GLIS3: variants seen among roughly 807,000 people sequenced by gnomAD.
GLIS3 encodes the protein zinc finger protein GLIS3.
Under a neutral mutation model 78.6 loss-of-function variants are expected in GLIS3, and 53 were observed. The observed-to-expected ratio is 0.67, with a 90% CI of 0.54 to 0.85. GLIS3 has a LOEUF of 0.85. GLIS3 is among the 40% of genes least tolerant of loss of function. The probability of loss-of-function intolerance (pLI) is 0.00; values close to 1 mark genes in which losing one functional copy is unlikely to be tolerated. For missense variants in GLIS3, 1,703 were observed against 1,231.1 expected, an observed-to-expected ratio of 1.38 and a Z score of -5.74; for synonymous variants, 684 against 509.9, an observed-to-expected ratio of 1.34 and a Z score of -4.60.
At chr9:4,207,374 C>A (rs1438606573) in intron 2 of GLIS3, among the ~76,000 whole-genome samples, 1 of 152,142 alleles carries the variant, frequency 6.6e-6, no homozygotes, top group East Asian at 1.9e-4. Context: ...GGCAAATAAT[C>A]GCTGGTGATT....
At position 4,340,304 on chromosome 9, in the gene GLIS3, A is replaced by C. The variant is rs539073625; in HGVS notation, n.264+6777T>G. Among the ~76,000 whole-genome samples, 554 of 151,348 alleles carry C rather than the reference A, an allele frequency of 3.7e-3. 2 individuals carry two copies. The highest frequency in any genetic ancestry group is 0.013 in the African/African-American group (533 of 41,160). On this transcript the variant is annotated intron_variant and non_coding_transcript_variant, in intron 2 of 4. Transcript: ENST00000471664. Reference sequence around the variant, plus strand: ...TACAAATCAAATGAGAAAAAAAAAAAAAAGTATGTCATTTTCCTTTATTTG... The same window carrying C: ...TACAAATCAAATGAGAAAAAAAAAACAAAGTATGTCATTTTCCTTTATTTG...
intron 4 of GLIS3, among the ~76,000 whole-genome samples, chr9:4,076,376 C>G (rs1268057852): frequency 6.6e-6 from 1 of 152,188 alleles, no homozygotes; most frequent in African/African-American, 2.4e-5. Flanking sequence ...TCCTATTATA[C>G]TATGCATTCA....
chr9:3,856,595 C>A (rs772517762), intron 8 of GLIS3, among the ~76,000 whole-genome samples: 4 of 152,196 alleles, frequency 2.6e-5, no homozygotes, highest in African/African-American at 4.8e-5. Context: ...ACTTAGCTCA[C>A]AAACATTTTG....
the GLIS3 span, among the ~76,000 whole-genome samples, chr9:4,442,300 C>T: frequency 6.6e-6 from 1 of 152,080 alleles, no homozygotes. Flanking sequence ...TGTCATGTCT[C>T]CTTTTTCATT....
At chr9:4,116,848 C>T (rs1289990309) in intron 4 of GLIS3, among the ~76,000 whole-genome samples, 2 of 152,136 alleles carry the variant, frequency 1.3e-5, no homozygotes, top group African/African-American at 4.8e-5. Flanking sequence ...TAATATAAAA[C>T]ACATGTTCTT....
the GLIS3 span, among the ~76,000 whole-genome samples, chr9:4,376,996 C>T: frequency 1.5e-5 from 2 of 135,782 alleles, no homozygotes; most frequent in African/African-American, 5.2e-5. Flanking sequence ...AGCCCCACCA[C>T]TTACTAGCCC....
chr9:4,314,163 T>C (rs942394174), intron 2 of GLIS3, among the ~76,000 whole-genome samples: 1 of 152,208 alleles, frequency 6.6e-6, no homozygotes, highest in Non-Finnish European at 1.5e-5. Flanking sequence ...AGGATGGTCA[T>C]GAGGATTAAG....
intron 7 of GLIS3, among the ~76,000 whole-genome samples, chr9:3,884,164 A>C (rs1821917516): frequency 6.6e-6 from 1 of 152,234 alleles, no homozygotes; most frequent in South Asian, 2.1e-4. Flanking sequence ...TGTCCAAATG[A>C]AAACCATTAA....
intron 4 of GLIS3, among the ~76,000 whole-genome samples, chr9:4,067,620 G>A (rs1827209936): frequency 6.6e-6 from 1 of 152,110 alleles, no homozygotes; most frequent in Non-Finnish European, 1.5e-5. Flanking sequence ...GATTCAAGCG[G>A]CCACTTTATG....
chr9:3,981,108 T>C (rs1819243260), intron 4 of GLIS3, among the ~76,000 whole-genome samples: 1 of 152,206 alleles, frequency 6.6e-6, no homozygotes, highest in Non-Finnish European at 1.5e-5. Context: ...TCTCCTCCGC[T>C]ACCTCTTGGA....
chr9:4,339,036 G>C (rs184214991), intron 2 of GLIS3, among the ~76,000 whole-genome samples: 1 of 152,320 alleles, frequency 6.6e-6, no homozygotes, highest in East Asian at 1.9e-4. Flanking sequence ...GACCCTCCTG[G>C]TGAGTTCATG....
intron 2 of GLIS3, among the ~76,000 whole-genome samples, chr9:4,148,075 T>C (rs142633159): frequency 1.3e-4 from 20 of 152,344 alleles, no homozygotes; most frequent in African/African-American, 3.8e-4. Context: ...TCCTTTTTTT[T>C]CTTTTGCATA....
At chr9:3,920,218 T>C (rs1824792205) in intron 6 of GLIS3, among the ~76,000 whole-genome samples, 1 of 152,116 alleles carries the variant, frequency 6.6e-6, no homozygotes, top group African/African-American at 2.4e-5. Context: ...TTAGCCAGGA[T>C]GGTCTCAATC....
chr9:3,842,834 C>A (rs958111184), intron 9 of GLIS3, among the ~76,000 whole-genome samples: 1 of 152,196 alleles, frequency 6.6e-6, no homozygotes, highest in Non-Finnish European at 1.5e-5. Flanking sequence ...TTTAAAACAA[C>A]AACAGAACGG....
In GLIS3 at chr9:4,125,956, A is replaced by T; in HGVS notation, c.389-15T>A. The T allele has an allele frequency of 6.2e-7, 1 of 1,603,630 alleles. No homozygotes were observed. Among genetic ancestry groups the T allele is most frequent in the Non-Finnish European group, 8.5e-7 (1 of 1,170,652 alleles). Reference sequence around the variant, plus strand: ...GCCAAGAGCCCCTAAAAACAAATGAATCAGGTTAGCTTTCATGTCCCTTAC... The same window carrying T: ...GCCAAGAGCCCCTAAAAACAAATGATTCAGGTTAGCTTTCATGTCCCTTAC... On this transcript the variant is annotated splice_polypyrimidine_tract_variant and intron_variant, in intron 2 of 10. Coordinates refer to ENST00000381971, the MANE Select transcript of GLIS3 (RefSeq NM_001042413.2).
chr9:4,351,051 C>G (rs1327387634), upstream of GLIS3, among the ~76,000 whole-genome samples: 1 of 152,106 alleles, frequency 6.6e-6, no homozygotes, highest in Non-Finnish European at 1.5e-5. Context: ...GGGCCCTGGG[C>G]TTCACTTCTC....
chr9:4,311,794 C>A (rs1340044616), intron 2 of GLIS3, among the ~76,000 whole-genome samples: 5 of 152,188 alleles, frequency 3.3e-5, no homozygotes, highest in African/African-American at 1.2e-4. Flanking sequence ...CTGACAGGAG[C>A]AGGGAAAGTG....
chr9:4,471,977 A>T, the GLIS3 span, among the ~76,000 whole-genome samples: 1 of 152,368 alleles, frequency 6.6e-6, no homozygotes, highest in South Asian at 2.1e-4. Flanking sequence ...AAAAGAAGAC[A>T]TTTATGCAGC....
chr9:3,964,361 A>C (rs182855535), intron 4 of GLIS3, among the ~76,000 whole-genome samples: 149 of 152,342 alleles, frequency 9.8e-4, no homozygotes, highest in Admixed American at 3.1e-3. Context: ...CGTACAAAAC[A>C]CACTTGCATT....
Sources: allele counts gnomAD v4.1 joint callset (sites outside exome capture counted in the v4.1 genomes callset), GRCh38; gene constraint gnomAD v4.1.1; transcripts MANE v1.5; gene names NCBI Gene and HGNC (gene_info 2026-07-23, HGNC 2026-07-21).